The following DNAAF9 variants were observed in gnomAD, a reference collection of about 807,000 sequenced individuals.
The protein encoded by DNAAF9 is dynein axonemal assembly factor 9.
In DNAAF9, 90 loss-of-function variants were observed where a neutral mutation model predicts 167.0. The ratio of observed to expected loss-of-function variants is 0.54; its 90% confidence interval spans 0.45 to 0.64. The LOEUF is 0.64. Ranked by LOEUF, DNAAF9 falls within the 30% of genes least tolerant of loss-of-function variation. DNAAF9 has a pLI of 0.00. For synonymous variants in DNAAF9, 491 were observed against 508.8 expected, an observed-to-expected ratio of 0.96 and a Z score of 0.47; for missense variants, 1,315 against 1,442.2, an observed-to-expected ratio of 0.91 and a Z score of 1.43.
intron 11 of DNAAF9, among the ~76,000 whole-genome samples, chr20:3,330,942 C>T (rs1307561286): frequency 1.3e-5 from 2 of 151,996 alleles, no homozygotes. Context: ...CAGGTGCACG[C>T]CACCATGCCC....
intron 7 of DNAAF9, among the ~76,000 whole-genome samples, chr20:3,356,532 T>C (rs912593614): frequency 7.2e-5 from 11 of 152,372 alleles, no homozygotes; most frequent in African/African-American, 2.6e-4. Context: ...ATTACTTTCT[T>C]ATGACTCTTA....
chr20:3,304,975 G>A (rs2069264332), intron 20 of DNAAF9, among the ~76,000 whole-genome samples: 1 of 152,184 alleles, frequency 6.6e-6, no homozygotes, highest in Non-Finnish European at 1.5e-5. Context: ...GAGCACTTGG[G>A]TCTCAGCTGA....
intron 2 of DNAAF9, 103 bp from the exon 3 acceptor site, chr20:3,381,601 G>A: frequency 1.6e-6 from 2 of 1,246,984 alleles, no homozygotes; most frequent in Admixed American, 4.9e-5. Context: ...CAAGCTGAAG[G>A]ACGCAGCTCA....
intron 11 of DNAAF9, among the ~76,000 whole-genome samples, chr20:3,331,809 G>A (rs6115854): frequency 0.043 from 6,554 of 152,244 alleles, 391 homozygotes; most frequent in East Asian, 0.16. Context: ...GAGTAGCTAG[G>A]ACTACAGGTG....
Position 3,310,966 on chromosome 20 carries a change from T to A in DNAAF9, c.1678+4067A>T, listed in dbSNP as rs1348464269. The stretch of plus-strand genomic sequence containing the variant: ...CTGCTGGAAGTATAATTTGGGACAA[T>A]CAATTTGTAAAACAGTCTGGCCTCA... On this transcript the variant is annotated intron_variant, in intron 20 of 36. Transcript: ENST00000252032. Among the ~76,000 whole-genome samples, 6 of 152,256 alleles carry A rather than the reference T, an allele frequency of 3.9e-5. No homozygotes were observed. In the East Asian group the frequency reaches 1.2e-3, roughly 29 times the overall value.
intron 9 of DNAAF9, among the ~76,000 whole-genome samples, chr20:3,343,288 G>A (rs890878156): frequency 2.0e-5 from 3 of 151,902 alleles, no homozygotes; most frequent in Admixed American, 1.3e-4. Flanking sequence ...TCAGCCTCCC[G>A]AGTAGCTGGG....
intron 1 of DNAAF9, among the ~76,000 whole-genome samples, chr20:3,402,085 T>C (rs929016601): frequency 9.2e-5 from 14 of 152,156 alleles, no homozygotes; most frequent in Non-Finnish European, 5.9e-5. Flanking sequence ...TTTGGCTGGG[T>C]GCAGAATTCT....
At chr20:3,271,990 T>C (rs1001009834) in intron 29 of DNAAF9, among the ~76,000 whole-genome samples, 1 of 152,118 alleles carries the variant, frequency 6.6e-6, no homozygotes, top group African/African-American at 2.4e-5. Flanking sequence ...TCCCATCACC[T>C]GGTTTCAGGA....
intron 1 of DNAAF9, among the ~76,000 whole-genome samples, chr20:3,406,499 T>C (rs1383838829): frequency 6.6e-6 from 1 of 152,174 alleles, no homozygotes; most frequent in Non-Finnish European, 1.5e-5. Flanking sequence ...AGGTCTCTGC[T>C]GCAACCCCTC....
At chr20:3,406,302 C>A (rs1430528194) in intron 1 of DNAAF9, among the ~76,000 whole-genome samples, 2 of 152,128 alleles carry the variant, frequency 1.3e-5, no homozygotes, top group East Asian at 3.8e-4. Flanking sequence ...AGTACCATAA[C>A]AAGAATATAA....
rs970519584 is a variant in DNAAF9 at position 3,259,862 on chromosome 20, G to A, written c.2980+60C>T. On this transcript the variant is annotated intron_variant, in intron 32 of 36. Coordinates refer to ENST00000252032, the MANE Select transcript of DNAAF9 (RefSeq NM_001009984.3). Reference sequence around the variant, plus strand: ...TAGAATACTGAAATGGTACCAGGAGGCAGAATTAACTCTGGGACACCCTTT... The same window carrying A: ...TAGAATACTGAAATGGTACCAGGAGACAGAATTAACTCTGGGACACCCTTT... 83 of 959,186 alleles carry A rather than the reference G, an allele frequency of 8.7e-5. 1 individual carries two copies. The South Asian group carries it at 1.1e-3, about 12-fold the overall frequency. The allele number at this position is 959,186 out of a possible 1,614,324, so 59.4% of individuals were successfully genotyped here. A position where few individuals can be genotyped will look rare whatever the true frequency, so the allele number is the denominator to read the frequency against.
At chr20:3,320,925 A>G (rs769540472) in intron 16 of DNAAF9, among the ~76,000 whole-genome samples, 5 of 152,184 alleles carry the variant, frequency 3.3e-5, no homozygotes, top group African/African-American at 1.2e-4. Context: ...CCACAAACAG[A>G]ATCTTGGCTA....
intron 27 of DNAAF9, among the ~76,000 whole-genome samples, chr20:3,283,055 G>A (rs1320597862): frequency 6.6e-6 from 1 of 152,218 alleles, no homozygotes; most frequent in Non-Finnish European, 1.5e-5. Flanking sequence ...AAGCAGGGTA[G>A]GTGAATAAAC....
chr20:3,374,043 C>T lies in DNAAF9; in HGVS notation c.612+5G>A. 6.3e-7 allele frequency: 1 copy of T among 1,575,726 alleles called. No homozygotes were observed. The highest frequency in any genetic ancestry group is 1.1e-5 in the South Asian group (1 of 90,286). ...AAAACTAGGCATACTGCTTTTCATA[C>T]ATACCTCATATTTCATGGTAAAAAA... is the stretch of plus-strand genomic sequence containing the variant. On this transcript the variant is annotated splice_donor_5th_base_variant and intron_variant, in intron 6 of 36. Coordinates refer to ENST00000252032, the MANE Select transcript of DNAAF9 (RefSeq NM_001009984.3).
At chr20:3,375,612 A>G (rs2083564900) in intron 4 of DNAAF9, among the ~76,000 whole-genome samples, 2 of 152,094 alleles carry the variant, frequency 1.3e-5, no homozygotes, top group South Asian at 4.1e-4. Flanking sequence ...GTAATCCCAG[A>G]ACTTTGGGAG....
chr20:3,355,692 C>T (rs1207591022), intron 7 of DNAAF9, among the ~76,000 whole-genome samples: 4 of 152,110 alleles, frequency 2.6e-5, no homozygotes, highest in Admixed American at 1.3e-4. Flanking sequence ...AGCAATTACA[C>T]TAGTAGATTT....
At chr20:3,327,239 C>A (rs1285898947) in intron 12 of DNAAF9, among the ~76,000 whole-genome samples, 1 of 152,104 alleles carries the variant, frequency 6.6e-6, no homozygotes, top group Non-Finnish European at 1.5e-5. Flanking sequence ...GGGGGTTTGT[C>A]CTGTGCATTG....
chr20:3,291,585 C>T (rs2068954980), intron 25 of DNAAF9, among the ~76,000 whole-genome samples: 1 of 152,060 alleles, frequency 6.6e-6, no homozygotes. Flanking sequence ...CCTCGTGATC[C>T]ACCTGCCTCA....
Position 3,326,220 on chromosome 20 carries a change from C to T in DNAAF9, c.1165G>A (p.Ala389Thr). The stretch of plus-strand genomic sequence containing the variant: ...ACCTTTGTTAGACTGGAAGTTTTAG[C>T]ATAACATGCAATGCCAGCCAAAACA... Reference protein sequence around the residue: ...EAVLAGIACYAKTSSLTKAKE... With the variant: ...EAVLAGIACYTKTSSLTKAKE... The change falls in exon 13 of 37, where the codon GCT becomes ACT. Residue 389 changes from alanine to threonine, a missense_variant. Around this residue, in one of 2 missense-constraint regions of DNAAF9, gnomAD observed 981 missense variants for 1,012.5 expected, o/e 0.97. Transcript: ENST00000252032. 2 of 1,611,578 alleles carry T rather than the reference C, an allele frequency of 1.2e-6. No individual in the cohort carries two copies. The highest frequency in any genetic ancestry group is 2.2e-5 in the East Asian group (1 of 44,846).
Sources: allele counts gnomAD v4.1 joint callset (sites outside exome capture counted in the v4.1 genomes callset), GRCh38; gene constraint gnomAD v4.1.1; regional missense constraint gnomAD v4.1.1; transcripts MANE v1.5; gene names NCBI Gene and HGNC (gene_info 2026-07-23, HGNC 2026-07-21).